VPS13B: variants seen among roughly 807,000 people sequenced by gnomAD.
VPS13B encodes intermembrane lipid transfer protein VPS13B.
In VPS13B, 285 loss-of-function variants were observed where a neutral mutation model predicts 426.4. That is an observed-to-expected ratio of 0.67 (90% CI 0.61 to 0.74). VPS13B has a LOEUF of 0.74. Among genes scored for constraint, VPS13B ranks in the 30% least tolerant of loss-of-function variants. VPS13B has a pLI of 0.00. For synonymous variants in VPS13B, 1,676 were observed against 1,676.4 expected (o/e 1.00, Z 0.01); for missense variants, 4,537 against 4,782.6 (o/e 0.95, Z 1.51).
At chr8:99,187,039 A>G (rs937459563) in intron 16 of VPS13B, among the ~76,000 whole-genome samples, 2 of 152,184 alleles carry the variant, frequency 1.3e-5, no homozygotes, top group African/African-American at 4.8e-5. Context: ...TAATATTGCC[A>G]TACAAATACT....
In VPS13B at chr8:99,481,780, C is replaced by A; in HGVS notation, c.3848C>A (p.Ala1283Asp). ...GATACCAGCACATGCAGCCCATCTG[C>A]TGACATTGGGACTACTACTGAGGTA... is the stretch of plus-strand genomic sequence containing the variant. ...PPDTSTCSPS[A>D]DIGTTTEGDS... The change falls in exon 25 of 62, where the codon GCT becomes GAT. Residue 1283 changes from alanine (A) to aspartate (D), a missense_variant. By Grantham distance (126) the Ala-to-Asp change is moderately radical. Transcript: ENST00000357162. 1 of 1,613,880 alleles carries A rather than the reference C, an allele frequency of 6.2e-7. No homozygotes were observed. Among genetic ancestry groups the A allele is most frequent in the Non-Finnish European group, 8.5e-7 (1 of 1,179,802 alleles).
chr8:99,276,857 A>G (rs896194649), intron 19 of VPS13B, among the ~76,000 whole-genome samples: 1 of 152,142 alleles, frequency 6.6e-6, no homozygotes, highest in African/African-American at 2.4e-5. Flanking sequence ...GATACCTAAG[A>G]AGAGATTAAT....
At chr8:99,472,344 A>T (rs1157650920) in intron 24 of VPS13B, among the ~76,000 whole-genome samples, 1 of 152,080 alleles carries the variant, frequency 6.6e-6, no homozygotes, top group Non-Finnish European at 1.5e-5. Context: ...TTTTAAGAGG[A>T]TCAAAAATCA....
At chr8:99,298,107 C>T (rs1820142168) in intron 19 of VPS13B, among the ~76,000 whole-genome samples, 1 of 152,154 alleles carries the variant, frequency 6.6e-6, no homozygotes, top group Non-Finnish European at 1.5e-5. Context: ...AATATTAGTG[C>T]TAAATAAGTT....
At chr8:99,571,090 G>C (rs1825451633) in intron 31 of VPS13B, among the ~76,000 whole-genome samples, 1 of 152,104 alleles carries the variant, frequency 6.6e-6, no homozygotes, top group African/African-American at 2.4e-5. Flanking sequence ...TAGGTAGGCA[G>C]CTCATTTAAA....
intron 21 of VPS13B, among the ~76,000 whole-genome samples, chr8:99,409,657 T>C (rs142026137): frequency 7.2e-5 from 11 of 152,324 alleles, no homozygotes; most frequent in Non-Finnish European, 1.6e-4. Context: ...ATCATAACTT[T>C]CTTTTTCCGC....
intron 16 of VPS13B, among the ~76,000 whole-genome samples, chr8:99,175,411 A>G (rs1024560192): frequency 6.6e-6 from 1 of 152,210 alleles, no homozygotes; most frequent in Admixed American, 6.5e-5. Flanking sequence ...TAGGTATGTT[A>G]TGAATGCATA....
chr8:99,768,621 T>C (rs1333959000), intron 40 of VPS13B, among the ~76,000 whole-genome samples: 1 of 152,234 alleles, frequency 6.6e-6, no homozygotes, highest in Non-Finnish European at 1.5e-5. Context: ...TTGATAATAA[T>C]GTGTTTTGTG....
intron 55 of VPS13B, among the ~76,000 whole-genome samples, chr8:99,852,569 G>A (rs1816345888): frequency 6.6e-6 from 1 of 152,198 alleles, no homozygotes; most frequent in Non-Finnish European, 1.5e-5. Flanking sequence ...GTCATATGTT[G>A]TTAGTATGTC....
intron 24 of VPS13B, among the ~76,000 whole-genome samples, chr8:99,480,648 G>T (rs1819987573): frequency 6.6e-6 from 1 of 151,896 alleles, no homozygotes; most frequent in Non-Finnish European, 1.5e-5. Flanking sequence ...TGTAACCTGA[G>T]ATTTGAAACT....
intron 21 of VPS13B, among the ~76,000 whole-genome samples, chr8:99,415,464 G>A (rs531650505): frequency 1.3e-5 from 2 of 152,024 alleles, no homozygotes; most frequent in Non-Finnish European, 2.9e-5. Flanking sequence ...TTGCTGCAAG[G>A]AGTTGTGATC....
Position 99,136,729 on chromosome 8 carries a change from C to T in VPS13B, c.1628C>T (p.Thr543Ile). The T allele has an allele frequency of 6.2e-7, 1 of 1,613,572 alleles. No individual in the cohort carries two copies. The highest frequency in any genetic ancestry group is 8.5e-7 in the Non-Finnish European group (1 of 1,179,614). The change falls in exon 12 of 62, where the codon ACA becomes ATA. Residue 543 changes from threonine (T) to isoleucine (I), a missense_variant. This residue lies in a region of VPS13B where 4,311 missense variants were observed against 4,474.3 expected (regional missense o/e 0.96). Transcript: ENST00000357162. ...FGAFYMDYLY[T>I]MENTSGKGST... ...GCTTTTTATATGGATTACCTGTATA[C>T]AATGGAGAACACTAGTGGCAAAGGT... is the stretch of plus-strand genomic sequence containing the variant.
At chr8:99,767,034 T>C in intron 40 of VPS13B, 64 bp downstream of exon 40, 5 of 1,514,758 alleles carry the variant, frequency 3.3e-6, no homozygotes, top group Non-Finnish European at 3.6e-6. Flanking sequence ...CATCTTTTCC[T>C]ATCTAGTGAC....
chr8:99,429,485 T>G (rs1343216405), intron 21 of VPS13B: 1 of 152,144 alleles, frequency 6.6e-6, no homozygotes, highest in East Asian at 1.9e-4. Context: ...CCACCTTATA[T>G]CTTTACTTGG....
In VPS13B at chr8:99,348,394, T is replaced by C. The variant is rs186613727; in HGVS notation, c.2825-35814T>C. ...AAATAAACTCGCTTTCTAGCCCATA[T>C]TTAGCACATTGCATTTGTGATTATA... On this transcript the variant is annotated intron_variant, in intron 19 of 61. Coordinates refer to ENST00000357162, the MANE Select transcript of VPS13B (RefSeq NM_152564.5). 3 of 152,352 alleles carry C rather than the reference T, an allele frequency of 2.0e-5. No individual in the cohort carries two copies. In the East Asian group the frequency reaches 5.8e-4, roughly 29 times the overall value. The allele number at this position is 152,352 out of a possible 1,614,324, so 9.4% of individuals were successfully genotyped here.
Position 99,845,076 on chromosome 8 carries a change from T to A in VPS13B, c.9943-3700T>A, listed in dbSNP as rs955839518. Among the ~76,000 whole-genome samples, 12 of 152,194 alleles carry A rather than the reference T, an allele frequency of 7.9e-5. 1 individual carries two copies. Among genetic ancestry groups the A allele is most frequent in the Admixed American group, 3.3e-4 (5 of 15,284 alleles). ...ATATCTTACCACTTCAAAACATATA[T>A]GCCCATTTTTATAGCTTTCAATATC... On this transcript the variant is annotated intron_variant, in intron 54 of 61. Transcript: ENST00000357162.
At chr8:99,465,430 G>T (rs1183347348) in intron 23 of VPS13B, among the ~76,000 whole-genome samples, 2 of 149,912 alleles carry the variant, frequency 1.3e-5, no homozygotes, top group African/African-American at 4.9e-5. Context: ...TTAGGAGTTA[G>T]GGTATGATAT....
intron 43 of VPS13B, among the ~76,000 whole-genome samples, chr8:99,798,717 T>G (rs373420919): frequency 1.3e-4 from 20 of 152,352 alleles, no homozygotes; most frequent in Non-Finnish European, 5.9e-5. Context: ...TATTGAAATA[T>G]AGCTTTGGAG....
chr8:99,087,521 G>A (rs1245906089), intron 3 of VPS13B, among the ~76,000 whole-genome samples: 1 of 151,786 alleles, frequency 6.6e-6, no homozygotes, highest in Non-Finnish European at 1.5e-5. Flanking sequence ...AGTTGGAAAT[G>A]CAGAAATCAC....
Sources: allele counts gnomAD v4.1 joint callset (sites outside exome capture counted in the v4.1 genomes callset), GRCh38; gene constraint gnomAD v4.1.1; regional missense constraint gnomAD v4.1.1; transcripts MANE v1.5; gene names NCBI Gene and HGNC (gene_info 2026-07-23, HGNC 2026-07-21).